The following INPP5F variants were observed in gnomAD, a reference collection of about 807,000 sequenced individuals.
INPP5F encodes inositol polyphosphate-5-phosphatase F, also known as phosphatidylinositide 4-phosphatase SAC2.
A neutral mutation model predicts 137.2 loss-of-function variants in INPP5F; 97 were observed. The observed-to-expected ratio is 0.71, with a 90% CI of 0.60 to 0.84. INPP5F has a LOEUF of 0.84. Ranked by LOEUF, INPP5F falls within the 40% of genes least tolerant of loss-of-function variation. INPP5F has a pLI of 0.00. For missense variants in INPP5F, 1,271 were observed against 1,371.9 expected, an observed-to-expected ratio of 0.93 and a Z score of 1.16; for synonymous variants, 504 against 476.9, an observed-to-expected ratio of 1.06 and a Z score of -0.74.
At position 119,791,636 on chromosome 10, in the gene INPP5F, TA is replaced by T; in HGVS notation, c.440del (p.Lys147ArgfsTer21). The part of the protein sequence containing the change: ...HIKSNVSAPN[K>X]KKVKESKEKE... The stretch of plus-strand genomic sequence containing the variant: ...TTAAATCCAATGTGTCTGCTCCTAA[TA>T]AAAAGAAAGTAAGAGTTTAATTGAT... On this transcript the variant is annotated frameshift_variant, in exon 4 of 20. Transcript: ENST00000650623. LOFTEE classifies it high-confidence loss of function. 1.2e-6 allele frequency: 2 copies of T among 1,602,558 alleles called. No homozygotes were observed. Among genetic ancestry groups the T allele is most frequent in the Non-Finnish European group, 8.5e-7 (1 of 1,171,416 alleles).
In INPP5F at chr10:119,823,129, A is replaced by T. The variant is rs1851626646; in HGVS notation, c.2091A>T (p.Arg697Ser). 6.2e-7 allele frequency: 1 copy of T among 1,614,168 alleles called. No homozygotes were observed. Residue 697 changes from arginine to serine, a missense_variant, in exon 18 of 20, where the codon AGA (arginine) becomes AGT (serine). Arg to Ser is a moderately radical substitution (Grantham distance 110, BLOSUM62 -1). This residue lies in a region of INPP5F where 593 missense variants were observed against 712.4 expected (regional missense o/e 0.83). Coordinates refer to ENST00000650623, the MANE Select transcript of INPP5F (RefSeq NM_014937.4). ...TCTCCTGCATGCGACTGCACTACAG[A>T]TACAAAGAAGCGAGTGGCTATTTCC... Reference protein sequence around the residue: ...PKFSCMRLHYRYKEASGYFHT... With the variant: ...PKFSCMRLHYSYKEASGYFHT...
chr10:119,820,815 A>G (rs1193471263), intron 15 of INPP5F, 31 bp from the exon 16 acceptor site: 4 of 1,541,850 alleles, frequency 2.6e-6, no homozygotes, highest in African/African-American at 2.7e-5. Context: ...GGAAATGAAA[A>G]TACTTAATCT....
chr10:119,810,590 C>T lies in INPP5F; in HGVS notation c.1687+373C>T, dbSNP rs373249713. Among the ~76,000 whole-genome samples the T allele has an allele frequency of 2.0e-5, 3 of 152,134 alleles. No individual in the cohort carries two copies. In the East Asian group the frequency reaches 5.8e-4, roughly 29 times the overall value. ...GAGCAATGTAACCAGATTATTTTTC[C>T]TGTATATTATTTGTTCTGTGTTCTT... On this transcript the variant is annotated intron_variant, in intron 14 of 19. Transcript: ENST00000650623.
At chr10:119,777,362 A>C (rs774634678) in intron 2 of INPP5F, among the ~76,000 whole-genome samples, 1 of 152,026 alleles carries the variant, frequency 6.6e-6, no homozygotes, top group East Asian at 1.9e-4. Context: ...ACAACAACAA[A>C]AAAACCCACA....
chr10:119,791,320 G>T (rs1850135225), intron 3 of INPP5F, among the ~76,000 whole-genome samples, 197 bp from the exon 4 acceptor site: 1 of 152,124 alleles, frequency 6.6e-6, no homozygotes, highest in African/African-American at 2.4e-5. Context: ...TGTATTCTTT[G>T]TGTTTTATCC....
intron 6 of INPP5F, among the ~76,000 whole-genome samples, chr10:119,794,963 A>T (rs529168960): frequency 5.7e-5 from 7 of 122,720 alleles, no homozygotes; most frequent in Admixed American, 3.2e-4. Context: ...CTCACTTCCC[A>T]GTAGGGGTGG....
chr10:119,824,044 A>G (rs1851669080), intron 19 of INPP5F, 142 bp downstream of exon 19: 1 of 597,036 alleles, frequency 1.7e-6, no homozygotes. Flanking sequence ...AAATTTCTGC[A>G]GATCAAAATA....
chr10:119,776,433 T>C (rs1849525105), intron 2 of INPP5F, among the ~76,000 whole-genome samples: 1 of 152,182 alleles, frequency 6.6e-6, no homozygotes, highest in Non-Finnish European at 1.5e-5. Context: ...AAGATGCCTC[T>C]TGGTTTTCCA....
chr10:119,779,822 T>A (rs1213196439), intron 2 of INPP5F, among the ~76,000 whole-genome samples: 1 of 152,210 alleles, frequency 6.6e-6, no homozygotes, highest in African/African-American at 2.4e-5. Flanking sequence ...TCTTCTGTAA[T>A]AACACTTAGG....
intron 3 of INPP5F, among the ~76,000 whole-genome samples, chr10:119,784,749 A>G (rs767563920): frequency 7.9e-5 from 12 of 152,252 alleles, no homozygotes; most frequent in Non-Finnish European, 1.6e-4. Context: ...ATGTAAGTCA[A>G]TGGTTTTTAG....
rs1851836612 is a variant in INPP5F, at chr10:119,827,862, C to T, written c.*82C>T. On this transcript the variant is annotated 3_prime_UTR_variant, in exon 20 of 20. Coordinates refer to ENST00000650623, the MANE Select transcript of INPP5F (RefSeq NM_014937.4). ...TCTTGGGGTATTTTAATTGTACTGT[C>T]TGAACCCAGGGATCACAAATTCTGT... 1 of 1,030,848 alleles carries T rather than the reference C, an allele frequency of 9.7e-7. No homozygotes were observed. Among genetic ancestry groups the T allele is most frequent in the African/African-American group, 1.6e-5 (1 of 62,036 alleles). 63.9% of individuals were successfully genotyped at this position (1,030,848 alleles called of 1,614,324 possible). A position where few individuals can be genotyped will look rare whatever the true frequency, so the allele number is the denominator to read the frequency against.
intron 2 of INPP5F, among the ~76,000 whole-genome samples, chr10:119,760,744 G>A (rs1589686375): frequency 2.6e-5 from 4 of 152,206 alleles, no homozygotes; most frequent in South Asian, 4.1e-4. Context: ...GTTACAGCCC[G>A]TGGGCTTGAT....
At chr10:119,799,512 C>T (rs1005071148) in intron 9 of INPP5F, among the ~76,000 whole-genome samples, 5 of 151,688 alleles carry the variant, frequency 3.3e-5, no homozygotes, top group Non-Finnish European at 5.9e-5. Flanking sequence ...AAATTTTGGG[C>T]AATCACAAAG....
intron 6 of INPP5F, among the ~76,000 whole-genome samples, chr10:119,795,155 G>A (rs1487895382): frequency 1.4e-5 from 2 of 144,858 alleles, no homozygotes; most frequent in Non-Finnish European, 3.1e-5. Context: ...CCTCCCAGAC[G>A]GGGCGGCTGG....
Position 119,827,735 on chromosome 10 carries a change from T to G in INPP5F, c.3354T>G (p.Leu1118=), listed in dbSNP as rs1851829939. 2 of 1,613,318 alleles carry G rather than the reference T, an allele frequency of 1.2e-6. No individual in the cohort carries two copies. Among genetic ancestry groups the G allele is most frequent in the African/African-American group, 1.3e-5 (1 of 75,012 alleles). The stretch of plus-strand genomic sequence containing the variant: ...TTAATCAAGTCCAGCAAAATGAACT[T>G]AAAAAGATGTTTATACAATGCCAGA... The part of the protein sequence containing the change: ...EIINQVQQNE[L]KKMFIQCQTR... The change falls in exon 20 of 20, where the codon CTT becomes CTG. Residue 1118 remains leucine (L), a synonymous_variant. Coordinates refer to ENST00000650623, the MANE Select transcript of INPP5F (RefSeq NM_014937.4).
intron 1 of INPP5F, among the ~76,000 whole-genome samples, chr10:119,746,757 A>C (rs960223657): frequency 1.3e-5 from 2 of 152,146 alleles, no homozygotes; most frequent in Non-Finnish European, 2.9e-5. Flanking sequence ...AAATCATAGA[A>C]GATGACATGA....
At chr10:119,801,770 TAA>T (rs2134234824) in intron 9 of INPP5F, among the ~76,000 whole-genome samples, 1 of 152,086 alleles carries the variant, frequency 6.6e-6, no homozygotes, top group East Asian at 1.9e-4. Flanking sequence ...AATTAAAAAA[TAA>T]AAATACAATA....
In INPP5F at chr10:119,826,663, G is replaced by T. The variant is rs1851771824; in HGVS notation, c.2282G>T (p.Gly761Val). Reference protein sequence around the residue: ...KSSKPHEDIIGIRSQNQGSLA... With the variant: ...KSSKPHEDIIVIRSQNQGSLA... ...AGTAAACCTCACGAAGACATCATTG[G>T]TATCAGGTCTCAAAACCAAGGTTCT... Residue 761 changes from glycine to valine, a missense_variant, in exon 20 of 20, where the codon GGT becomes GTT. Physicochemically the swap from Gly to Val is moderately radical, Grantham distance 109. Coordinates refer to ENST00000650623, the MANE Select transcript of INPP5F (RefSeq NM_014937.4). The T allele has an allele frequency of 6.2e-7, 1 of 1,603,084 alleles. No homozygotes were observed. The highest frequency in any genetic ancestry group is 8.5e-7 in the Non-Finnish European group (1 of 1,177,134).
intron 1 of INPP5F, among the ~76,000 whole-genome samples, chr10:119,745,905 A>T (rs539293439): frequency 6.6e-6 from 1 of 151,950 alleles, no homozygotes; most frequent in African/African-American, 2.4e-5. Context: ...GGGTTTCACC[A>T]TGTTGGTCAG....
Sources: allele counts gnomAD v4.1 joint callset (sites outside exome capture counted in the v4.1 genomes callset), GRCh38; gene constraint gnomAD v4.1.1; regional missense constraint gnomAD v4.1.1; transcripts MANE v1.5; gene names NCBI Gene and HGNC (gene_info 2026-07-23, HGNC 2026-07-21).